The following GPRC5D variants were observed in gnomAD, a reference collection of about 807,000 sequenced individuals.
GPRC5D encodes G protein-coupled receptor family C group 5 member D.
Under a neutral mutation model 29.3 loss-of-function variants are expected in GPRC5D, and 20 were observed. The ratio of observed to expected loss-of-function variants is 0.68; its 90% CI spans 0.48 to 0.99. The LOEUF is 0.99. GPRC5D is among the 50% of genes least tolerant of loss of function. The pLI, the probability that GPRC5D is intolerant of heterozygous loss-of-function variation, is 0.00. For synonymous variants in GPRC5D, 178 were observed against 171.3 expected (o/e 1.04, Z -0.30); for missense variants, 384 against 423.6 (o/e 0.91, Z 0.82).
At chr12:12,941,058 T>C (rs913238923) in intron 2 of GPRC5D, among the ~76,000 whole-genome samples, 1 of 152,108 alleles carries the variant, frequency 6.6e-6, no homozygotes, top group African/African-American at 2.4e-5. Flanking sequence ...ATTACAGGCA[T>C]GCACCACCAT....
chr12:12,950,343 A>C lies in GPRC5D; in HGVS notation c.42T>G (p.Leu14=), dbSNP rs140326246. ...CCCATGGCCCCTCGGCGTCACAGAG[A>C]AGAAAATAGTCTCCAGTGGACTCGA... The change falls in exon 1 of 3, where the codon CTT becomes CTG. Residue 14 remains leucine, a synonymous_variant. Transcript: ENST00000228887. 6.2e-5 allele frequency: 100 copies of C among 1,612,052 alleles called. No individual in the cohort carries two copies. The African/African-American group carries it at 1.2e-3, about 20-fold the overall frequency.
intron 2 of GPRC5D, among the ~76,000 whole-genome samples, 178 bp downstream of exon 3, chr12:12,942,083 G>C (rs972722029): frequency 3.3e-5 from 5 of 152,142 alleles, no homozygotes; most frequent in Non-Finnish European, 7.3e-5. Context: ...AAGCTGTCTT[G>C]CGCCACCTGG....
At chr12:12,944,837 C>CTT (rs1565477292) in intron 1 of GPRC5D, among the ~76,000 whole-genome samples, 4 of 20,516 alleles carry the variant, frequency 1.9e-4, no homozygotes, top group African/African-American at 4.1e-4. Context: ...TTCCTTCCTT[C>CTT]CTTCCTTCCT....
intron 1 of GPRC5D, among the ~76,000 whole-genome samples, chr12:12,945,097 G>A (rs1188828971): frequency 3.3e-5 from 5 of 150,838 alleles, no homozygotes; most frequent in African/African-American, 7.3e-5. Flanking sequence ...ACCACCTCCC[G>A]GGTTCAAGTG....
At chr12:12,941,036 T>C (rs1363634037) in intron 2 of GPRC5D, among the ~76,000 whole-genome samples, 187 bp from the exon 4 acceptor site, 1 of 152,214 alleles carries the variant, frequency 6.6e-6, no homozygotes, top group Admixed American at 6.5e-5. Context: ...TTCAGCCTTC[T>C]GAGTAACTGA....
At chr12:12,951,991 A>C (rs569474520), upstream of GPRC5D, 4 of 152,246 alleles carry the variant, frequency 2.6e-5, no homozygotes, top group Admixed American at 2.0e-4. Context: ...TGAAAAAAAA[A>C]AATCAATTGC....
chr12:12,951,185 C>A (rs372618280), upstream of GPRC5D, among the ~76,000 whole-genome samples: 293 of 152,258 alleles, frequency 1.9e-3, 2 homozygotes, highest in African/African-American at 6.8e-3. Context: ...TTCGCACCAA[C>A]CTAATACCTA....
chr12:12,944,846 C>G (rs868268969), intron 1 of GPRC5D, among the ~76,000 whole-genome samples: 1 of 31,218 alleles, frequency 3.2e-5, no homozygotes, highest in Non-Finnish European at 6.7e-5. Flanking sequence ...TCCTTCCTTC[C>G]TTCCTTCTTT....
intron 1 of GPRC5D, among the ~76,000 whole-genome samples, chr12:12,948,826 A>T (rs922453862): frequency 6.6e-6 from 1 of 152,226 alleles, no homozygotes. Context: ...TGAAAATGTC[A>T]CATAAGCAAG....
At chr12:12,950,015 A>C (rs749248840) in exon 1 of GPRC5D, 8 of 1,614,190 alleles carry the variant, frequency 5.0e-6, no homozygotes, top group Non-Finnish European at 6.8e-6. Flanking sequence ...GTCCAGGAGA[A>C]GGAGACACAA....
chr12:12,950,889 GA>G (rs1863479820), upstream of GPRC5D, among the ~76,000 whole-genome samples: 1 of 151,648 alleles, frequency 6.6e-6, no homozygotes, highest in African/African-American at 2.4e-5. Flanking sequence ...TGGATCACTT[GA>G]AGTCAGGAGT....
chr12:12,948,879 C>T (rs61914971), intron 1 of GPRC5D, among the ~76,000 whole-genome samples: 9,467 of 152,194 alleles, frequency 0.062, 337 homozygotes, highest in Middle Eastern at 0.085. Flanking sequence ...AGTCTTTACT[C>T]AGAATTAGGA....
At chr12:12,950,721 C>T (rs368995105), upstream of GPRC5D, among the ~76,000 whole-genome samples, 486 of 151,154 alleles carry the variant, frequency 3.2e-3, 3 homozygotes, top group Non-Finnish European at 3.4e-3. Flanking sequence ...GCAGGAGAAT[C>T]GCTTGAACCC....
upstream of GPRC5D, chr12:12,950,416 G>A (rs199884401): frequency 6.4e-4 from 938 of 1,461,290 alleles, 3 homozygotes; most frequent in Non-Finnish European, 8.0e-4. Context: ...TCACCAGAAT[G>A]GTTTTCTGAT....
chr12:12,951,829 C>A (rs944722769), upstream of GPRC5D, among the ~76,000 whole-genome samples: 3 of 151,974 alleles, frequency 2.0e-5, no homozygotes, highest in Non-Finnish European at 4.4e-5. Context: ...CAAGTCAATC[C>A]AATGCAGCAG....
chr12:12,946,345 C>CTTTCT (rs1555109931), intron 1 of GPRC5D, among the ~76,000 whole-genome samples: 3 of 147,792 alleles, frequency 2.0e-5, no homozygotes, highest in Admixed American at 6.8e-5. Flanking sequence ...TTCTTTCTTT[C>CTTTCT]TTTCTTTCTT....
chr12:12,949,498 A>G, exon 1 of GPRC5D: 1 of 1,612,500 alleles, frequency 6.2e-7, no homozygotes, highest in Non-Finnish European at 8.5e-7. Context: ...ACCTCTGGAG[A>G]GCTCCTGGTT....
intron 2 of GPRC5D, among the ~76,000 whole-genome samples, chr12:12,941,444 A>G (rs1279829233): frequency 6.6e-6 from 1 of 152,208 alleles, no homozygotes. Flanking sequence ...CTGAGGGTTG[A>G]TTAAAGCACA....
At chr12:12,940,697 G>A, downstream of GPRC5D, 1 of 809,872 alleles carries the variant, frequency 1.2e-6, no homozygotes, top group Admixed American at 1.8e-5. Context: ...GCGTGACTCT[G>A]TGGGCCCCCG....
Sources: allele counts gnomAD v4.1 joint callset (sites outside exome capture counted in the v4.1 genomes callset), GRCh38; gene constraint gnomAD v4.1.1; transcripts MANE v1.5; gene names NCBI Gene and HGNC (gene_info 2026-07-23, HGNC 2026-07-21).